PPP1R12B: variants seen among roughly 807,000 people sequenced by gnomAD.
PPP1R12B encodes myosin phosphatase target subunit 2.
PPP1R12B carries 76 observed loss-of-function variants against 126.1 expected under a neutral mutation model. That is an observed-to-expected ratio of 0.60 (90% confidence interval 0.50 to 0.73). PPP1R12B has a LOEUF of 0.73. Among genes scored for constraint, PPP1R12B ranks in the 30% least tolerant of loss-of-function variants. The pLI is 0.00. For synonymous variants in PPP1R12B, 356 were observed against 434.7 expected (o/e 0.82, Z 2.25); for missense variants, 1,052 against 1,205.1 (o/e 0.87, Z 1.88).
At chr1:202,448,455 G>C (rs1305853473) in intron 12 of PPP1R12B, 1 of 152,506 alleles carries the variant, frequency 6.6e-6, no homozygotes, top group Non-Finnish European at 1.5e-5. Flanking sequence ...TTAGGTGAGG[G>C]AGAACTAAGC....
chr1:202,547,396 A>G (rs991740801), intron 18 of PPP1R12B, among the ~76,000 whole-genome samples: 4 of 152,194 alleles, frequency 2.6e-5, no homozygotes, highest in African/African-American at 7.2e-5. Context: ...GTTAGTTCTC[A>G]TAACAGTTCC....
intron 5 of PPP1R12B, among the ~76,000 whole-genome samples, chr1:202,427,988 A>G (rs1357703668): frequency 8.2e-5 from 12 of 146,272 alleles, no homozygotes; most frequent in African/African-American, 2.8e-4. Flanking sequence ...TTTTTTTTTA[A>G]TGGTAGAGAT....
At chr1:202,477,876 A>C (rs1302370591) in intron 13 of PPP1R12B, among the ~76,000 whole-genome samples, 1 of 152,230 alleles carries the variant, frequency 6.6e-6, no homozygotes, top group African/African-American at 2.4e-5. Context: ...TCTAGGAAAC[A>C]TAGTAGATAG....
At chr1:202,360,837 G>A (rs1208461450) in intron 1 of PPP1R12B, among the ~76,000 whole-genome samples, 1 of 151,722 alleles carries the variant, frequency 6.6e-6, no homozygotes, top group African/African-American at 2.4e-5. Context: ...TATTTTCCGT[G>A]ATTGGCAGTG....
chr1:202,465,339 C>A lies in PPP1R12B; in HGVS notation c.1850+16168C>A, dbSNP rs1035389552. 3.9e-5 allele frequency among the ~76,000 whole-genome samples: 6 copies of A among 152,206 alleles called. No individual in the cohort carries two copies. In the East Asian group the frequency reaches 1.2e-3, roughly 29 times the overall value. ...TACCATGAGCTTGGCAATATAAGCACAATGGTTAGAATCTCTTGATATTTA... is the reference window on the plus strand; with the variant it reads ...TACCATGAGCTTGGCAATATAAGCAAAATGGTTAGAATCTCTTGATATTTA... On this transcript the variant is annotated intron_variant, in intron 13 of 23. Coordinates refer to ENST00000608999, the MANE Select transcript of PPP1R12B (RefSeq NM_002481.4).
intron 1 of PPP1R12B, among the ~76,000 whole-genome samples, chr1:202,354,834 T>C (rs1459367866): frequency 6.7e-6 from 1 of 148,832 alleles, no homozygotes; most frequent in Non-Finnish European, 1.5e-5. Flanking sequence ...TTGTTGTTGT[T>C]TTTTTTTTTG....
intron 1 of PPP1R12B, among the ~76,000 whole-genome samples, chr1:202,372,151 G>A (rs980728323): frequency 1.3e-5 from 2 of 152,090 alleles, no homozygotes; most frequent in East Asian, 1.9e-4. Flanking sequence ...GATTATAGGC[G>A]TGAGCCACTG....
At chr1:202,570,491 T>A (rs1040092776) in intron 23 of PPP1R12B, among the ~76,000 whole-genome samples, 5 of 152,164 alleles carry the variant, frequency 3.3e-5, no homozygotes, top group African/African-American at 1.2e-4. Flanking sequence ...AATACCTGCT[T>A]ATATCTCAAA....
chr1:202,405,622 T>C (rs1666498962), intron 1 of PPP1R12B, among the ~76,000 whole-genome samples: 1 of 152,192 alleles, frequency 6.6e-6, no homozygotes, highest in African/African-American at 2.4e-5. Flanking sequence ...GTAGTTCTTA[T>C]GATTGGTATG....
At chr1:202,381,434 G>GTGTGTGTGTGTGTGTATGTGTA (rs71142528) in intron 1 of PPP1R12B, among the ~76,000 whole-genome samples, 1 of 131,128 alleles carries the variant, frequency 7.6e-6, no homozygotes, top group Non-Finnish European at 1.6e-5. Context: ...GTGTGTGTGT[G>GTGTGTGTGTGTGTGTATGTGTA]TGTATCATCC....
At chr1:202,386,380 A>G (rs1210010987) in intron 1 of PPP1R12B, among the ~76,000 whole-genome samples, 5 of 149,182 alleles carry the variant, frequency 3.4e-5, no homozygotes, top group African/African-American at 4.9e-5. Context: ...CACCCAGGCT[A>G]GAGTGCAGTG....
chr1:202,481,971 A>G (rs1037655953), intron 13 of PPP1R12B, among the ~76,000 whole-genome samples: 1 of 151,810 alleles, frequency 6.6e-6, no homozygotes, highest in African/African-American at 2.4e-5. Flanking sequence ...GATTGCACAT[A>G]TTAGTGAGAT....
intron 1 of PPP1R12B, among the ~76,000 whole-genome samples, chr1:202,383,799 A>G (rs1213925019): frequency 6.6e-6 from 1 of 152,210 alleles, no homozygotes; most frequent in Admixed American, 6.5e-5. Flanking sequence ...GCACCTATTC[A>G]TTTATCTTCA....
At chr1:202,574,668 G>T (rs1303769339) in intron 23 of PPP1R12B, among the ~76,000 whole-genome samples, 2 of 152,166 alleles carry the variant, frequency 1.3e-5, no homozygotes, top group East Asian at 3.9e-4. Flanking sequence ...TGTTAATTTG[G>T]TTCAGAAGGC....
intron 8 of PPP1R12B, among the ~76,000 whole-genome samples, chr1:202,433,197 T>C (rs1455461372): frequency 6.6e-6 from 1 of 152,246 alleles, no homozygotes; most frequent in Non-Finnish European, 1.5e-5. Flanking sequence ...GATTATTTAT[T>C]GAGTACTTAC....
chr1:202,356,908 G>A (rs142883353), intron 1 of PPP1R12B, among the ~76,000 whole-genome samples: 3,428 of 149,580 alleles, frequency 0.023, 131 homozygotes, highest in African/African-American at 0.079. Context: ...TACAACCTCC[G>A]CTGCCCGGGA....
intron 13 of PPP1R12B, among the ~76,000 whole-genome samples, chr1:202,487,994 A>G (rs1408957846): frequency 6.6e-6 from 1 of 152,244 alleles, no homozygotes; most frequent in South Asian, 2.1e-4. Flanking sequence ...ACATATCTAC[A>G]CTGAAGTTTA....
At chr1:202,504,886 G>T (rs1265903676) in intron 18 of PPP1R12B, among the ~76,000 whole-genome samples, 1 of 152,142 alleles carries the variant, frequency 6.6e-6, no homozygotes, top group African/African-American at 2.4e-5. Context: ...AAATGAAAAT[G>T]AGCTAATACA....
At chr1:202,393,110 CA>C (rs1213170241) in intron 1 of PPP1R12B, among the ~76,000 whole-genome samples, 64 of 152,000 alleles carry the variant, frequency 4.2e-4, no homozygotes, top group African/African-American at 1.4e-3. Flanking sequence ...CAAGCCTGGC[CA>C]ATTTTTTTGT....
Sources: gnomAD v4.1 joint callset for allele counts (sites outside exome capture counted in the v4.1 genomes callset) on GRCh38, gnomAD v4.1.1 for gene constraint, MANE v1.5 for transcripts, NCBI Gene and HGNC (gene_info 2026-07-23, HGNC 2026-07-21) for gene names.